The following DAZAP1 variants were observed in gnomAD, a reference collection of about 807,000 sequenced individuals.
DAZAP1 encodes the protein DAZ-associated protein 1.
DAZAP1 carries 6 observed loss-of-function variants against 60.1 expected under a neutral mutation model. That is an observed-to-expected ratio of 0.10 (90% CI 0.05 to 0.20). DAZAP1 has a LOEUF of 0.20. DAZAP1 is among the 10% of genes least tolerant of loss of function. The pLI, the probability that DAZAP1 is intolerant of heterozygous loss-of-function variation, is 1.00. For synonymous variants in DAZAP1, 235 were observed against 215.9 expected (o/e 1.09, Z -0.78); for missense variants, 366 against 560.4 (o/e 0.65, Z 3.50).
chr19:1,432,260 C>T lies in DAZAP1; in HGVS notation c.872-254C>T, dbSNP rs547793605. 1.8e-6 allele frequency: 1 copy of T among 546,044 alleles called. No individual in the cohort carries two copies. Among genetic ancestry groups the T allele is most frequent in the South Asian group, 2.2e-5 (1 of 44,994 alleles). 33.8% of individuals were successfully genotyped at this position (546,044 alleles called of 1,614,324 possible). ...GTCTGAGGCCCACCTGGCGGCTGCTCCGTGAGGAACGAGGTGGCCCTGCTG... is the reference window on the plus strand; with the variant it reads ...GTCTGAGGCCCACCTGGCGGCTGCTTCGTGAGGAACGAGGTGGCCCTGCTG... On this transcript the variant is annotated intron_variant, in intron 10 of 11. Coordinates refer to ENST00000233078, the MANE Select transcript of DAZAP1 (RefSeq NM_018959.4). This position sits in a 1 kb window ranked among gnomAD's most constrained non-coding sequence, Gnocchi z 4.9.
chr19:1,434,786 C>T lies in DAZAP1; in HGVS notation c.1098C>T (p.Pro366=), dbSNP rs148896411. 8.7e-6 allele frequency: 14 copies of T among 1,612,882 alleles called. No individual in the cohort carries two copies. In the African/African-American group the frequency reaches 1.5e-4, roughly 17 times the overall value. The change falls in exon 12 of 12, where the codon CCC becomes CCT. Residue 366 remains proline (P), a synonymous_variant. Transcript: ENST00000233078. The surrounding 1 kb of genome is among the most constrained non-coding windows in gnomAD (Gnocchi z 8.0). The part of the protein sequence containing the change: ...LSGFGQGFSD[P]SQQPPSYGGP... ...GCTTCGGACAGGGCTTCTCAGACCC[C>T]AGCCAGCAGCCTCCTTCCTACGGGG...
rs1416367601 is a variant in DAZAP1, at chr19:1,432,910, C to T, written c.1048+220C>T. ...AGTCTTGTCGCAGCAGAGCACTCGT[C>T]ATACAGCAGGTGCTGCAGGGCCTGC... On this transcript the variant is annotated intron_variant, in intron 11 of 11. Coordinates refer to ENST00000233078, the MANE Select transcript of DAZAP1 (RefSeq NM_018959.4). This position sits in a 1 kb window ranked among gnomAD's most constrained non-coding sequence, Gnocchi z 4.9. The T allele has an allele frequency of 3.5e-6, 2 of 569,798 alleles. No homozygotes were observed. Among genetic ancestry groups the T allele is most frequent in the African/African-American group, 3.8e-5 (2 of 52,818 alleles). 35.3% of individuals were successfully genotyped at this position (569,798 alleles called of 1,614,324 possible). A position where few individuals can be genotyped will look rare whatever the true frequency, so the allele number is the denominator to read the frequency against.
At chr19:1,431,779 C>T (rs1291513019) in intron 10 of DAZAP1, among the ~76,000 whole-genome samples, 2 of 152,214 alleles carry the variant, frequency 1.3e-5, no homozygotes, top group Non-Finnish European at 2.9e-5. Flanking sequence ...GCGTCCCTTA[C>T]CTGCCTAGCC....
rs1194152187 is a variant in DAZAP1, at chr19:1,422,799, G to C, written c.463+403G>C. Among the ~76,000 whole-genome samples the C allele has an allele frequency of 6.6e-6, 1 of 151,874 alleles. No homozygotes were observed. The highest frequency in any genetic ancestry group is 1.5e-5 in the Non-Finnish European group (1 of 67,932). On this transcript the variant is annotated intron_variant, in intron 6 of 11. Transcript: ENST00000233078. This position sits in a 1 kb window ranked among gnomAD's most constrained non-coding sequence, Gnocchi z 4.5. The stretch of plus-strand genomic sequence containing the variant: ...GCTCGGTGTGGAGTTTGGATTTTCC[G>C]TGATCCATCCCATGCTTTTTTTTTC...
At chr19:1,431,362 C>G (rs2083447769) in intron 10 of DAZAP1, among the ~76,000 whole-genome samples, 1 of 151,470 alleles carries the variant, frequency 6.6e-6, no homozygotes, top group Non-Finnish European at 1.5e-5. Flanking sequence ...ATCTCCTGAC[C>G]TCGTGATTCG....
rs1419543619 is a variant in DAZAP1 at position 1,423,888 on chromosome 19, G to A, written c.463+1492G>A. Among the ~76,000 whole-genome samples, 18 of 152,230 alleles carry A rather than the reference G, an allele frequency of 1.2e-4. No homozygotes were observed. The highest frequency in any genetic ancestry group is 2.2e-4 in the Non-Finnish European group (15 of 68,050). On this transcript the variant is annotated intron_variant, in intron 6 of 11. Coordinates refer to ENST00000233078, the MANE Select transcript of DAZAP1 (RefSeq NM_018959.4). This position sits in a 1 kb window ranked among gnomAD's most constrained non-coding sequence, Gnocchi z 6.8. ...GGCGAGTGTCGCTGAGTCCACACTG[G>A]TGTACAGAGCACTTCGGGGCCAGCA...
chr19:1,432,821 G>C lies in DAZAP1; in HGVS notation c.1048+131G>C, dbSNP rs994387268. On this transcript the variant is annotated intron_variant, in intron 11 of 11. Transcript: ENST00000233078. The surrounding 1 kb of genome is among the most constrained non-coding windows in gnomAD (Gnocchi z 4.9). ...GGTGGGAAAGGGGAGAGGGAGGAGA[G>C]GGGGGTGTGGGGGTTGTTGGAGAGA... 3 of 1,076,430 alleles carry C rather than the reference G, an allele frequency of 2.8e-6. No individual in the cohort carries two copies. Among genetic ancestry groups the C allele is most frequent in the Admixed American group, 2.7e-5 (1 of 37,376 alleles). The allele number at this position is 1,076,430 out of a possible 1,614,324, so 66.7% of individuals were successfully genotyped here.
intron 8 of DAZAP1, 31 bp downstream of exon 8, chr19:1,429,026 T>A: frequency 6.5e-7 from 1 of 1,545,036 alleles, no homozygotes; most frequent in Non-Finnish European, 8.7e-7. Context: ...CCCACGGGAA[T>A]GTCCCCCTTC....
rs139888663 is a variant in DAZAP1 at position 1,428,090 on chromosome 19, G to C, written c.547-752G>C. ...CAGGCCTGCTCCATCCATTGTCCCC[G>C]GCCCCGCACCCTCCTCCTGAGAAGA... On this transcript the variant is annotated intron_variant, in intron 7 of 11. Coordinates refer to ENST00000233078, the MANE Select transcript of DAZAP1 (RefSeq NM_018959.4). The surrounding 1 kb of genome is among the most constrained non-coding windows in gnomAD (Gnocchi z 4.0). 6.6e-6 allele frequency: 1 copy of C among 152,110 alleles called. No homozygotes were observed. The highest frequency in any genetic ancestry group is 1.5e-5 in the Non-Finnish European group (1 of 68,044). 9.4% of individuals were successfully genotyped at this position (152,110 alleles called of 1,614,324 possible).
At position 1,425,785 on chromosome 19, in the gene DAZAP1, G is replaced by T; in HGVS notation, c.464-93G>T. 1.1e-6 allele frequency: 1 copy of T among 925,308 alleles called. No individual in the cohort carries two copies. The highest frequency in any genetic ancestry group is 1.8e-6 in the Non-Finnish European group (1 of 557,258). 57.3% of individuals were successfully genotyped at this position (925,308 alleles called of 1,614,324 possible). A position where few individuals can be genotyped will look rare whatever the true frequency, so the allele number is the denominator to read the frequency against. On this transcript the variant is annotated intron_variant, in intron 6 of 11. Coordinates refer to ENST00000233078, the MANE Select transcript of DAZAP1 (RefSeq NM_018959.4). This position sits in a 1 kb window ranked among gnomAD's most constrained non-coding sequence, Gnocchi z 5.4. ...CACACACAGCTTAGCTGAAACCCAA[G>T]GTCGATCCCTCGGCCCGTCCCTAAT...
Position 1,422,633 on chromosome 19 carries a change from C to G in DAZAP1, c.463+237C>G, listed in dbSNP as rs907419718. Reference sequence around the variant, plus strand: ...TTGGCTTGTTCTTTTGAAGTTTTTACGACTTGTCATGAGTCTCGGCCTGGC... The same window carrying G: ...TTGGCTTGTTCTTTTGAAGTTTTTAGGACTTGTCATGAGTCTCGGCCTGGC... On this transcript the variant is annotated intron_variant, in intron 6 of 11. Transcript: ENST00000233078. The surrounding 1 kb of genome is among the most constrained non-coding windows in gnomAD (Gnocchi z 4.5). 6.6e-6 allele frequency among the ~76,000 whole-genome samples: 1 copy of G among 152,152 alleles called. No homozygotes were observed. Among genetic ancestry groups the G allele is most frequent in the African/African-American group, 2.4e-5 (1 of 41,434 alleles).
intron 1 of DAZAP1, 127 bp from the exon 2 acceptor site, chr19:1,417,373 C>G (rs1342205926): frequency 9.8e-7 from 1 of 1,017,136 alleles, no homozygotes; most frequent in African/African-American, 1.6e-5. Flanking sequence ...TGTATGCCGT[C>G]ACGTGCACAA....
intron 4 of DAZAP1, 64 bp from the exon 5 acceptor site, chr19:1,421,084 C>A: frequency 6.7e-7 from 1 of 1,494,328 alleles, no homozygotes; most frequent in Non-Finnish European, 9.3e-7. Context: ...TTATGTCCTC[C>A]GCAGCTCGCG....
intron 10 of DAZAP1, among the ~76,000 whole-genome samples, chr19:1,430,677 T>G (rs761464124): frequency 2.0e-5 from 3 of 151,640 alleles, no homozygotes; most frequent in Non-Finnish European, 4.4e-5. Context: ...GCCTCATACT[T>G]CAGGATTAGG....
In DAZAP1 at chr19:1,432,557, C is replaced by G. The variant is rs934537756; in HGVS notation, c.915C>G (p.Ala305=). ...CACCTCCACCGCCAGATCAGTTTGC[C>G]CCTCCGGGGGTTCCTCCTCCACCAG... ...GPPPPPPDQF[A]PPGVPPPPAT... is the part of the protein sequence containing the mutation. Residue 305 remains alanine, a synonymous_variant, in exon 11 of 12, where the codon GCC becomes GCG. Transcript: ENST00000233078. This position sits in a 1 kb window ranked among gnomAD's most constrained non-coding sequence, Gnocchi z 4.9. 3.1e-6 allele frequency: 5 copies of G among 1,613,598 alleles called. No homozygotes were observed. The African/African-American group carries it at 5.3e-5, about 17-fold the overall frequency.
intron 1 of DAZAP1, among the ~76,000 whole-genome samples, chr19:1,410,313 C>T (rs1373461958): frequency 6.6e-6 from 1 of 152,114 alleles, no homozygotes; most frequent in Non-Finnish European, 1.5e-5. Context: ...TGGGGAGTCC[C>T]TCTCTGGATC....
Position 1,418,397 on chromosome 19 carries a change from C to A in DAZAP1, c.237+27C>A. On this transcript the variant is annotated intron_variant, in intron 3 of 11. Transcript: ENST00000233078. This position sits in a 1 kb window ranked among gnomAD's most constrained non-coding sequence, Gnocchi z 5.7. ...TAAGTGCCCTTCCGGGAGCTCACACCCGCTCTCTGTCTCCCCTGTCCTTCC... is the reference window on the plus strand; with the variant it reads ...TAAGTGCCCTTCCGGGAGCTCACACACGCTCTCTGTCTCCCCTGTCCTTCC... The A allele has an allele frequency of 6.2e-7, 1 of 1,606,590 alleles. No individual in the cohort carries two copies. Among genetic ancestry groups the A allele is most frequent in the Non-Finnish European group, 8.5e-7 (1 of 1,174,762 alleles).
rs1290717937 is a variant in DAZAP1 at position 1,416,115 on chromosome 19, G to A, written c.30-1385G>A. The stretch of plus-strand genomic sequence containing the variant: ...TGGTGGTTGATGAGAGGTGATGAGT[G>A]TGCCAGCCACCTTGCAGGGGTCTTT... On this transcript the variant is annotated intron_variant, in intron 1 of 11. Coordinates refer to ENST00000233078, the MANE Select transcript of DAZAP1 (RefSeq NM_018959.4). The surrounding 1 kb of genome is among the most constrained non-coding windows in gnomAD (Gnocchi z 4.3). 6.6e-6 allele frequency: 1 copy of A among 152,254 alleles called. No individual in the cohort carries two copies. Among genetic ancestry groups the A allele is most frequent in the Non-Finnish European group, 1.5e-5 (1 of 68,064 alleles). The allele number at this position is 152,254 out of a possible 1,614,324, so 9.4% of individuals were successfully genotyped here.
chr19:1,429,830 C>T lies in DAZAP1; in HGVS notation c.701-137C>T, dbSNP rs1386709581. ...TGCTCAGGGTTCAGAGGGCTCTGCC[C>T]TCAGGACGAACAGGCTCTAAGCACA... On this transcript the variant is annotated intron_variant, in intron 8 of 11. Transcript: ENST00000233078. The T allele has an allele frequency of 1.3e-5, 14 of 1,056,536 alleles. No homozygotes were observed. In the Admixed American group the frequency reaches 3.0e-4, roughly 23 times the overall value. 65.4% of individuals were successfully genotyped at this position (1,056,536 alleles called of 1,614,324 possible). A position where few individuals can be genotyped will look rare whatever the true frequency, so the allele number is the denominator to read the frequency against.
Sources: allele counts gnomAD v4.1 joint callset (sites outside exome capture counted in the v4.1 genomes callset), GRCh38; gene constraint gnomAD v4.1.1; non-coding constraint Gnocchi (gnomAD v3.1); transcripts MANE v1.5; gene names NCBI Gene and HGNC (gene_info 2026-07-23, HGNC 2026-07-21).